COL4A3: variants seen among roughly 807,000 people sequenced by gnomAD.
COL4A3 encodes the protein collagen alpha-3(IV) chain.
COL4A3 carries 135 observed loss-of-function variants against 217.4 expected under a neutral mutation model. The observed-to-expected ratio is 0.62, with a 90% CI of 0.54 to 0.72. The LOEUF (loss-of-function observed/expected upper bound fraction) is 0.72, where lower values mean the gene tolerates loss of function less well. COL4A3 is among the 30% of genes least tolerant of loss of function. COL4A3 has a pLI of 0.00. For missense variants in COL4A3, 1,868 were observed against 2,119.9 expected (o/e 0.88, Z 2.33); for synonymous variants, 690 against 736.3 (o/e 0.94, Z 1.02).
In COL4A3 at chr2:227,313,546, T is replaced by C. The variant is rs534227261; in HGVS notation, c.*1676T>C. 1.3e-5 allele frequency: 2 copies of C among 152,748 alleles called. No homozygotes were observed. The highest frequency in any genetic ancestry group is 2.1e-4 in the South Asian group (1 of 4,830). The allele number at this position is 152,748 out of a possible 1,614,324, so 9.5% of individuals were successfully genotyped here. ...TGATCTACCTAGGTGGAGTTGGTGG[T>C]GCTGATATTTAAATTCAGGCTACTG... On this transcript the variant is annotated 3_prime_UTR_variant, in exon 52 of 52. Coordinates refer to ENST00000396578, the MANE Select transcript of COL4A3 (RefSeq NM_000091.5).
chr2:227,298,716 T>G lies in COL4A3; in HGVS notation c.3786T>G (p.His1262Gln), dbSNP rs768991487. The G allele has an allele frequency of 6.2e-7, 1 of 1,614,020 alleles. No individual in the cohort carries two copies. Among genetic ancestry groups the G allele is most frequent in the Admixed American group, 1.7e-5 (1 of 59,998 alleles). Residue 1262 changes from histidine (H) to glutamine (Q), a missense_variant, in exon 43 of 52, where the codon CAT becomes CAG. His to Gln is a conservative substitution (Grantham distance 24). Around this residue, in one of 2 missense-constraint regions of COL4A3, gnomAD observed 1,503 missense variants for 1,786.1 expected, o/e 0.84. Transcript: ENST00000396578. ...APGPPGPPGS[H>Q]VIGIKGDKGS... The stretch of plus-strand genomic sequence containing the variant: ...GTCCCCCTGGACCTCCAGGGAGTCA[T>G]GTAATAGGCATAAAAGGAGACAAAG...
intron 46 of COL4A3, 109 bp downstream of exon 46, chr2:227,304,253 G>A: frequency 7.0e-7 from 1 of 1,435,546 alleles, no homozygotes; most frequent in Non-Finnish European, 9.7e-7. Context: ...TGTTGAACAT[G>A]ATAGTGGTTT....
intron 44 of COL4A3, 41 bp downstream of exon 44, chr2:227,303,151 A>C: frequency 1.3e-6 from 2 of 1,527,502 alleles, no homozygotes; most frequent in Non-Finnish European, 1.8e-6. Flanking sequence ...CAAATACCAT[A>C]ACCTCAATTC....
rs1006753809 is a variant in COL4A3 at position 227,313,830 on chromosome 2, G to T, written c.*1960G>T. On this transcript the variant is annotated 3_prime_UTR_variant, in exon 52 of 52. Transcript: ENST00000396578. ...AGCTAATCTCTACAAACCCTCTGTA[G>T]GCCAGTAGTTCTCAAAGTGTGGTCT... 1 of 152,136 alleles carries T rather than the reference G, an allele frequency of 6.6e-6. No homozygotes were observed. Among genetic ancestry groups the T allele is most frequent in the African/African-American group, 2.4e-5 (1 of 41,422 alleles). The allele number at this position is 152,136 out of a possible 1,614,324, so 9.4% of individuals were successfully genotyped here. A position where few individuals can be genotyped will look rare whatever the true frequency, so the allele number is the denominator to read the frequency against.
chr2:227,214,566 C>A (rs774304492), intron 1 of COL4A3, among the ~76,000 whole-genome samples: 2 of 152,252 alleles, frequency 1.3e-5, no homozygotes, highest in East Asian at 1.9e-4. Flanking sequence ...ACAGTTGTAT[C>A]TTTTTACATG....
At chr2:227,243,013 T>C (rs1391531884) in intron 3 of COL4A3, among the ~76,000 whole-genome samples, 2 of 152,230 alleles carry the variant, frequency 1.3e-5, no homozygotes, top group African/African-American at 2.4e-5. Context: ...TTCTTCCATT[T>C]CTATTGGTAG....
At chr2:227,222,014 G>A (rs1484976838) in intron 1 of COL4A3, among the ~76,000 whole-genome samples, 1 of 151,572 alleles carries the variant, frequency 6.6e-6, no homozygotes, top group Non-Finnish European at 1.5e-5. Flanking sequence ...AGGTGCAGTG[G>A]TGCACCTAAG....
At chr2:227,275,713 A>G (rs2071516155) in intron 26 of COL4A3, among the ~76,000 whole-genome samples, 2 of 152,190 alleles carry the variant, frequency 1.3e-5, no homozygotes, top group Non-Finnish European at 2.9e-5. Flanking sequence ...ACAGATGAGG[A>G]ACTTATCAGA....
intron 1 of COL4A3, among the ~76,000 whole-genome samples, chr2:227,172,230 G>A (rs1008867888): frequency 2.2e-4 from 34 of 152,276 alleles, no homozygotes; most frequent in African/African-American, 7.5e-4. Flanking sequence ...CCTGGCACTG[G>A]CTGCAACCAA....
chr2:227,251,274 T>A (rs1176350785), intron 10 of COL4A3, 62 bp from the exon 11 acceptor site: 2 of 1,592,560 alleles, frequency 1.3e-6, no homozygotes, highest in African/African-American at 2.7e-5. Flanking sequence ...AAAAAGTTAT[T>A]AAAAGAATTT....
intron 14 of COL4A3, 106 bp downstream of exon 14, chr2:227,254,280 A>G (rs1404349704): frequency 5.0e-6 from 5 of 991,456 alleles, no homozygotes; most frequent in Non-Finnish European, 7.8e-6. Context: ...TAAAGAAAGT[A>G]AAGGAATAAA....
intron 3 of COL4A3, among the ~76,000 whole-genome samples, chr2:227,242,526 G>C (rs2069088218): frequency 6.6e-6 from 1 of 152,126 alleles, no homozygotes; most frequent in African/African-American, 2.4e-5. Flanking sequence ...GGTGCAGCTG[G>C]AGCTCAAAGT....
chr2:227,244,362 A>T lies in COL4A3; in HGVS notation c.277A>T (p.Arg93Trp), dbSNP rs1208980444. The change falls in exon 4 of 52, where the codon AGG (arginine) becomes TGG (tryptophan). Residue 93 changes from arginine to tryptophan, a missense_variant and splice_region_variant. Coordinates refer to ENST00000396578, the MANE Select transcript of COL4A3 (RefSeq NM_000091.5). ...LPGLTGSKGVRGISGLPGFSG... is the reference protein window; with the variant it reads ...LPGLTGSKGVWGISGLPGFSG... Reference sequence around the variant, plus strand: ...AGGACTCACGGGTTCCAAAGGTGTAAGGGTTAGTAGTCCAACCAGTCCACC... The same window carrying T: ...AGGACTCACGGGTTCCAAAGGTGTATGGGTTAGTAGTCCAACCAGTCCACC... 6.2e-7 allele frequency: 1 copy of T among 1,613,742 alleles called. No individual in the cohort carries two copies. Among genetic ancestry groups the T allele is most frequent in the Non-Finnish European group, 8.5e-7 (1 of 1,179,818 alleles).
intron 1 of COL4A3, among the ~76,000 whole-genome samples, chr2:227,215,961 G>C (rs1246128494): frequency 6.6e-6 from 1 of 152,162 alleles, no homozygotes; most frequent in Non-Finnish European, 1.5e-5. Context: ...TATGCTAAGT[G>C]AAAGAAGCAA....
chr2:227,281,051 A>G (rs1042735248), intron 31 of COL4A3, 45 bp downstream of exon 31: 23 of 1,153,762 alleles, frequency 2.0e-5, no homozygotes, highest in Non-Finnish European at 2.9e-5. Flanking sequence ...GGCAGGAGAC[A>G]TGAGACTCCT....
In COL4A3 at chr2:227,238,036, C is replaced by A. The variant is rs1882435; in HGVS notation, c.144+12C>A. ...CCAAAGGGGAGAAGGTAAAAACAAA[C>A]CCTAATACTGCTTGTTTACACTGTA... On this transcript the variant is annotated intron_variant, in intron 2 of 51. Coordinates refer to ENST00000396578, the MANE Select transcript of COL4A3 (RefSeq NM_000091.5). 458,833 of 1,560,592 alleles carry A rather than the reference C, an allele frequency of 0.29. 68,835 individuals are homozygous for A. Among genetic ancestry groups the A allele is most frequent in the East Asian group, 0.41 (18,246 of 44,562 alleles).
rs1274520263 is a variant in COL4A3, at chr2:227,203,517, GTA to G, written c.88-34445_88-34444del. 4.8e-3 allele frequency among the ~76,000 whole-genome samples: 199 copies of G among 41,828 alleles called. 36 individuals carry two copies. The highest frequency in any genetic ancestry group is 0.021 in the Middle Eastern group (1 of 48). 27.4% of individuals were successfully genotyped at this position (41,828 alleles called of 152,430 possible). ...TATGTGTATATATACATATATGTGT[GTA>G]TATATGTGTATATATACATATATGT... is the stretch of plus-strand genomic sequence containing the variant. On this transcript the variant is annotated intron_variant, in intron 1 of 51. Transcript: ENST00000396578.
intron 1 of COL4A3, among the ~76,000 whole-genome samples, chr2:227,195,697 A>C (rs6741547): frequency 1.4e-5 from 2 of 143,578 alleles, no homozygotes; most frequent in East Asian, 2.0e-4. Flanking sequence ...GTGTGTGTGT[A>C]TGTGTGTGTG....
intron 1 of COL4A3, among the ~76,000 whole-genome samples, chr2:227,169,858 T>C (rs1267871352): frequency 6.6e-6 from 1 of 152,202 alleles, no homozygotes; most frequent in African/African-American, 2.4e-5. Context: ...TCTATTCCAT[T>C]GGTCCAATAT....
Sources: gnomAD v4.1 joint callset for allele counts (sites outside exome capture counted in the v4.1 genomes callset) on GRCh38, gnomAD v4.1.1 for gene constraint, gnomAD v4.1.1 regional missense constraint, MANE v1.5 for transcripts, NCBI Gene and HGNC (gene_info 2026-07-23, HGNC 2026-07-21) for gene names.